Variants in ULK4 observed in about 807,000 individuals in gnomAD.
The protein encoded by ULK4 is unc-51 like kinase 4.
A neutral mutation model predicts 160.6 loss-of-function variants in ULK4; 133 were observed. The observed-to-expected ratio is 0.83, with a 90% CI of 0.72 to 0.96. The LOEUF is 0.96. Among genes scored for constraint, ULK4 ranks in the 40% least tolerant of loss-of-function variants. The probability of loss-of-function intolerance (pLI) is 0.00; values close to 1 mark genes in which losing one functional copy is unlikely to be tolerated. For missense variants in ULK4, 1,580 were observed against 1,499.5 expected (o/e 1.05, Z -0.89); for synonymous variants, 534 against 539.8 (o/e 0.99, Z 0.15).
At chr3:41,666,420 C>A (rs535992845) in intron 29 of ULK4, among the ~76,000 whole-genome samples, 2 of 152,200 alleles carry the variant, frequency 1.3e-5, no homozygotes, top group South Asian at 4.1e-4. Flanking sequence ...GTCTGAACAC[C>A]CTACACATGA....
chr3:41,473,360 T>C lies in ULK4; in HGVS notation c.3227-10107A>G, dbSNP rs1015723691. Among the ~76,000 whole-genome samples, 2 of 152,074 alleles carry C rather than the reference T, an allele frequency of 1.3e-5. 1 individual carries two copies. Among genetic ancestry groups the C allele is most frequent in the African/African-American group, 4.8e-5 (2 of 41,380 alleles). On this transcript the variant is annotated intron_variant, in intron 32 of 36. Coordinates refer to ENST00000301831, the MANE Select transcript of ULK4 (RefSeq NM_017886.4). ...CGCTAAAGATTCCACCATATAAAAC[T>C]GCTAGAACTAGTAAATATAGGCTGG...
intron 35 of ULK4, among the ~76,000 whole-genome samples, chr3:41,340,407 G>A (rs909164110): frequency 6.6e-6 from 1 of 152,192 alleles, no homozygotes. Flanking sequence ...CCTTGTTTTG[G>A]CTTTGCCATG....
chr3:41,283,842 T>C (rs944190281), intron 35 of ULK4, among the ~76,000 whole-genome samples: 4 of 151,064 alleles, frequency 2.6e-5, no homozygotes, highest in Non-Finnish European at 5.9e-5. Flanking sequence ...CTAGAACTGA[T>C]AAAAAAAATT....
rs762871832 is a variant in ULK4 at position 41,705,030 on chromosome 3, C to T, written c.2781+27G>A. ...AATTACCAAGTAAATTTAAAAGGAGCTTTTTTCAAAAGCTGCCAGAACTGA... is the reference window on the plus strand; with the variant it reads ...AATTACCAAGTAAATTTAAAAGGAGTTTTTTTCAAAAGCTGCCAGAACTGA... On this transcript the variant is annotated intron_variant, in intron 27 of 36. Coordinates refer to ENST00000301831, the MANE Select transcript of ULK4 (RefSeq NM_017886.4). 3.2e-6 allele frequency: 5 copies of T among 1,569,328 alleles called. No individual in the cohort carries two copies. The South Asian group carries it at 5.9e-5, about 18-fold the overall frequency.
At chr3:41,734,823 CA>C (rs1298124349) in intron 22 of ULK4, among the ~76,000 whole-genome samples, 1 of 152,178 alleles carries the variant, frequency 6.6e-6, no homozygotes, top group East Asian at 1.9e-4. Flanking sequence ...TCAGAACCTT[CA>C]AAAACCTCTT....
intron 34 of ULK4, among the ~76,000 whole-genome samples, chr3:41,410,297 T>G (rs1307726188): frequency 6.6e-6 from 1 of 152,212 alleles, no homozygotes; most frequent in Non-Finnish European, 1.5e-5. Flanking sequence ...AACTGATGAA[T>G]GGATACACAA....
At chr3:41,903,070 T>C (rs1374892514) in intron 12 of ULK4, among the ~76,000 whole-genome samples, 2 of 151,612 alleles carry the variant, frequency 1.3e-5, no homozygotes, top group African/African-American at 2.4e-5. Context: ...GTGTCTTGAG[T>C]GAGGAAGGGG....
intron 34 of ULK4, among the ~76,000 whole-genome samples, chr3:41,440,263 C>CT (rs1044492764): frequency 6.6e-6 from 1 of 152,130 alleles, no homozygotes; most frequent in African/African-American, 2.4e-5. Flanking sequence ...GCAAACATCT[C>CT]TGTTTGTGTT....
At chr3:41,558,365 G>A (rs2087388988) in intron 32 of ULK4, among the ~76,000 whole-genome samples, 1 of 151,888 alleles carries the variant, frequency 6.6e-6, no homozygotes, top group African/African-American at 2.4e-5. Flanking sequence ...TTTTCTTAGG[G>A]GAGGAAAAAA....
intron 31 of ULK4, among the ~76,000 whole-genome samples, chr3:41,599,139 T>C (rs1403162767): frequency 1.3e-5 from 2 of 152,224 alleles, no homozygotes; most frequent in Non-Finnish European, 2.9e-5. Context: ...GCCTTGTGAC[T>C]GCATTGGGCC....
chr3:41,641,978 T>C (rs543699585), intron 30 of ULK4, among the ~76,000 whole-genome samples: 1 of 151,402 alleles, frequency 6.6e-6, no homozygotes, highest in Non-Finnish European at 1.5e-5. Flanking sequence ...CAGGTTCAAG[T>C]GGTTCTCGTG....
intron 17 of ULK4, among the ~76,000 whole-genome samples, chr3:41,855,721 G>T (rs2042320371): frequency 6.6e-6 from 1 of 152,054 alleles, no homozygotes; most frequent in Non-Finnish European, 1.5e-5. Context: ...GCATTTTTCT[G>T]CTTCAGGGAT....
At chr3:41,545,145 T>C (rs2086814727) in intron 32 of ULK4, among the ~76,000 whole-genome samples, 1 of 151,976 alleles carries the variant, frequency 6.6e-6, no homozygotes. Flanking sequence ...TCTGGAAACC[T>C]ACCTAGTCCG....
intron 35 of ULK4, among the ~76,000 whole-genome samples, chr3:41,347,587 T>G (rs1246987614): frequency 6.6e-6 from 1 of 152,150 alleles, no homozygotes; most frequent in African/African-American, 2.4e-5. Context: ...CCTGCCACCA[T>G]ACTCATCCTC....
rs1324026062 is a variant in ULK4, at chr3:41,472,096, GAA to G, written c.3227-8845_3227-8844del. On this transcript the variant is annotated intron_variant, in intron 32 of 36. Coordinates refer to ENST00000301831, the MANE Select transcript of ULK4 (RefSeq NM_017886.4). ...AAAAATTGAGAAATCTTTAGACTAA[GAA>G]AAAAAAGAGATGACTCAAATAAATA... 4.0e-5 allele frequency among the ~76,000 whole-genome samples: 6 copies of G among 150,282 alleles called. No homozygotes were observed. The South Asian group carries it at 6.3e-4, about 16-fold the overall frequency.
At chr3:41,364,869 G>A (rs1233798270) in intron 35 of ULK4, among the ~76,000 whole-genome samples, 1 of 152,078 alleles carries the variant, frequency 6.6e-6, no homozygotes, top group African/African-American at 2.4e-5. Context: ...GATTGTTCAG[G>A]AGCCTTCTCC....
At position 41,658,680 on chromosome 3, in the gene ULK4, G is replaced by T. The variant is rs764459010; in HGVS notation, c.3071+4927C>A. Among the ~76,000 whole-genome samples, 6 of 150,408 alleles carry T rather than the reference G, an allele frequency of 4.0e-5. No individual in the cohort carries two copies. The East Asian group carries it at 7.8e-4, about 19-fold the overall frequency. On this transcript the variant is annotated intron_variant, in intron 30 of 36. Coordinates refer to ENST00000301831, the MANE Select transcript of ULK4 (RefSeq NM_017886.4). Reference sequence around the variant, plus strand: ...AATAAAACTGTTAATTTTTAAAAGAGGTCCAGAAATGGTATAGACAGCATG... The same window carrying T: ...AATAAAACTGTTAATTTTTAAAAGATGTCCAGAAATGGTATAGACAGCATG...
chr3:41,363,924 TTCTC>T (rs1223968337), intron 35 of ULK4, among the ~76,000 whole-genome samples: 6 of 140,612 alleles, frequency 4.3e-5, no homozygotes, highest in South Asian at 4.7e-4. Flanking sequence ...TCCATCCAAA[TTCTC>T]TCTCTTTTTT....
chr3:41,803,518 G>T (rs1189888083), intron 19 of ULK4, among the ~76,000 whole-genome samples: 1 of 152,124 alleles, frequency 6.6e-6, no homozygotes, highest in East Asian at 1.9e-4. Context: ...AAGTTTTAGG[G>T]TACATGTGCA....
Sources: gnomAD v4.1 joint callset for allele counts (sites outside exome capture counted in the v4.1 genomes callset) on GRCh38, gnomAD v4.1.1 for gene constraint, MANE v1.5 for transcripts, NCBI Gene and HGNC (gene_info 2026-07-23, HGNC 2026-07-21) for gene names.